Variants in SIRPB2 observed in about 807,000 individuals in gnomAD.
SIRPB2 encodes signal-regulatory protein beta-2.
A neutral mutation model predicts 27.1 loss-of-function variants in SIRPB2; 18 were observed. The ratio of observed to expected loss-of-function variants is 0.66; its 90% CI spans 0.46 to 0.98. SIRPB2 has a LOEUF of 0.98. Ranked by LOEUF, SIRPB2 falls within the 50% of genes least tolerant of loss-of-function variation. The pLI is 0.00. For missense variants in SIRPB2, 420 were observed against 417.4 expected (o/e 1.01, Z -0.06); for synonymous variants, 150 against 164.6 (o/e 0.91, Z 0.68).
intron 1 of SIRPB2, among the ~76,000 whole-genome samples, chr20:1,487,617 G>C (rs1336009268): frequency 2.0e-5 from 3 of 152,214 alleles, no homozygotes; most frequent in African/African-American, 7.2e-5. Context: ...TCTAGAAATA[G>C]TCCATGCAAA....
intron 1 of SIRPB2, among the ~76,000 whole-genome samples, chr20:1,484,275 C>G (rs2090703400): frequency 6.6e-6 from 1 of 152,280 alleles, no homozygotes; most frequent in South Asian, 2.1e-4. Flanking sequence ...GACTCCAGGA[C>G]ACTGGTATAG....
At chr20:1,482,429 A>G (rs1319853759) in intron 1 of SIRPB2, among the ~76,000 whole-genome samples, 1 of 152,044 alleles carries the variant, frequency 6.6e-6, no homozygotes, top group Admixed American at 6.5e-5. Flanking sequence ...GGTATCTATC[A>G]TTATAGTTTC....
At position 1,479,842 on chromosome 20, in the gene SIRPB2, T is replaced by C; in HGVS notation, c.309A>G (p.Ser103=). The C allele has an allele frequency of 6.2e-7, 1 of 1,614,252 alleles. No individual in the cohort carries two copies. The highest frequency in any genetic ancestry group is 8.5e-7 in the Non-Finnish European group (1 of 1,180,036). ...TGGAATAATCACAATTCAGTGGTTC[T>C]GATGTCCGTTGGATCATGGGCATTA... ...PGVMPMIQRT[S]EPLNCDYSIY... is the part of the protein sequence containing the mutation. The change falls in exon 2 of 5, where the codon TCA becomes TCG. Residue 103 remains serine, a synonymous_variant. Transcript: ENST00000359801.
At chr20:1,486,269 C>T (rs903157750) in intron 1 of SIRPB2, among the ~76,000 whole-genome samples, 1 of 151,818 alleles carries the variant, frequency 6.6e-6, no homozygotes, top group East Asian at 1.9e-4. Context: ...GGCAGGGTTT[C>T]GCCATGTTAG....
chr20:1,488,720 A>G (rs6135080), intron 1 of SIRPB2, among the ~76,000 whole-genome samples: 24,088 of 152,164 alleles, frequency 0.16, 3,119 homozygotes, highest in East Asian at 0.74. Flanking sequence ...ATTGACCATA[A>G]TAAGTGTTGG....
Position 1,475,918 on chromosome 20 carries a change from G to A in SIRPB2, c.*249C>T, listed in dbSNP as rs1181809666. ...CTGCAGCAGGGGCAAGGGTGTTGAG[G>A]AGAGACTGAGCCAGGGACTGAAAAG... On this transcript the variant is annotated 3_prime_UTR_variant, in exon 5 of 5. Coordinates refer to ENST00000359801, the MANE Select transcript of SIRPB2 (RefSeq NM_001122962.2). 6.0e-5 allele frequency: 27 copies of A among 449,406 alleles called. No homozygotes were observed. The highest frequency in any genetic ancestry group is 9.9e-5 in the Non-Finnish European group (25 of 251,450). 27.8% of individuals were successfully genotyped at this position (449,406 alleles called of 1,614,324 possible).
Position 1,475,575 on chromosome 20 carries a change from T to G in SIRPB2, c.*592A>C, listed in dbSNP as rs1428468752. 6.6e-6 allele frequency: 1 copy of G among 152,078 alleles called. No homozygotes were observed. Among genetic ancestry groups the G allele is most frequent in the Non-Finnish European group, 1.5e-5 (1 of 68,140 alleles). The allele number at this position is 152,078 out of a possible 1,614,324, so 9.4% of individuals were successfully genotyped here. A position where few individuals can be genotyped will look rare whatever the true frequency, so the allele number is the denominator to read the frequency against. On this transcript the variant is annotated 3_prime_UTR_variant, in exon 5 of 5. Coordinates refer to ENST00000359801, the MANE Select transcript of SIRPB2 (RefSeq NM_001122962.2). ...AATCCTGGGTCTCAATACCAGGGAGTCTCTGTATTGCTTGGCCTGCTGATG... is the reference window on the plus strand; with the variant it reads ...AATCCTGGGTCTCAATACCAGGGAGGCTCTGTATTGCTTGGCCTGCTGATG...
rs1191993196 is a variant in SIRPB2, at chr20:1,478,184, C to G, written c.793+82G>C. On this transcript the variant is annotated intron_variant, in intron 3 of 4. Coordinates refer to ENST00000359801, the MANE Select transcript of SIRPB2 (RefSeq NM_001122962.2). ...GTAAAGACATGGAGGCTGTGAAGAA[C>G]TGGCTTGTTCGGGACATGTAGAAAA... 2.5e-5 allele frequency: 32 copies of G among 1,299,800 alleles called. No homozygotes were observed. In the Admixed American group the frequency reaches 5.7e-4, roughly 23 times the overall value. 80.5% of individuals were successfully genotyped at this position (1,299,800 alleles called of 1,614,324 possible).
chr20:1,479,377 T>A (rs111394704), intron 2 of SIRPB2: 77 of 349,888 alleles, frequency 2.2e-4, no homozygotes, highest in African/African-American at 1.5e-3. Flanking sequence ...CCATGTGACT[T>A]GCTTTAGCCA....
intron 1 of SIRPB2, among the ~76,000 whole-genome samples, chr20:1,488,556 G>C (rs6110188): frequency 0.15 from 22,081 of 152,036 alleles, 1,666 homozygotes; most frequent in Non-Finnish European, 0.18. Context: ...GCTAAGGTGG[G>C]AGGATCGCTT....
In SIRPB2 at chr20:1,475,757, AGGGGCACAGAT is replaced by A; in HGVS notation, c.*399_*409del. ...GGAGTGGGGAGAAAGGTGTAGATGG[AGGGGCACAGAT>A]GGTCTGGCTGGTTGAGTTCAGAGAT... On this transcript the variant is annotated 3_prime_UTR_variant, in exon 5 of 5. Transcript: ENST00000359801. The A allele has an allele frequency of 8.0e-6, 1 of 124,944 alleles. No individual in the cohort carries two copies. Among genetic ancestry groups the A allele is most frequent in the Non-Finnish European group, 1.8e-5 (1 of 56,614 alleles). 7.7% of individuals were successfully genotyped at this position (124,944 alleles called of 1,614,324 possible). A position where few individuals can be genotyped will look rare whatever the true frequency, so the allele number is the denominator to read the frequency against.
Position 1,477,392 on chromosome 20 carries a change from A to G in SIRPB2, c.805T>C (p.Ser269Pro). Residue 269 changes from serine (S) to proline (P), a missense_variant, in exon 4 of 5, where the codon TCT becomes CCT. Physicochemically the swap from Ser to Pro is moderately conservative, Grantham distance 74. Coordinates refer to ENST00000359801, the MANE Select transcript of SIRPB2 (RefSeq NM_001122962.2). ...CTGGTGAATTCTGCCTCTTTGGAAG[A>G]GGTAGATTTTGCTGCAAGGGAGAGA... is the stretch of plus-strand genomic sequence containing the variant. ...TSLKVKAKSTSSKEAEFTSEP... is the reference protein window; with the variant it reads ...TSLKVKAKSTPSKEAEFTSEP... 1 of 1,612,802 alleles carries G rather than the reference A, an allele frequency of 6.2e-7. No homozygotes were observed. Among genetic ancestry groups the G allele is most frequent in the Non-Finnish European group, 8.5e-7 (1 of 1,179,010 alleles).
intron 1 of SIRPB2, among the ~76,000 whole-genome samples, chr20:1,482,819 A>C (rs146881172): frequency 6.6e-6 from 1 of 151,706 alleles, no homozygotes; most frequent in African/African-American, 2.4e-5. Flanking sequence ...GCTTGGGGAC[A>C]CTATATATAT....
At chr20:1,483,956 T>G (rs185280373) in intron 1 of SIRPB2, among the ~76,000 whole-genome samples, 10 of 152,344 alleles carry the variant, frequency 6.6e-5, no homozygotes, top group Non-Finnish European at 1.5e-4. Context: ...GTAAATTTCT[T>G]CTTGATTGGG....
chr20:1,491,368 C>T lies in SIRPB2; in HGVS notation c.-9G>A. ...GACATCGTGGAGCACATGGCATCTT[C>T]TGTGGTCCCCAAGACTTGGGGCTCC... On this transcript the variant is annotated 5_prime_UTR_variant, in exon 1 of 5. Coordinates refer to ENST00000359801, the MANE Select transcript of SIRPB2 (RefSeq NM_001122962.2). 1 of 1,604,916 alleles carries T rather than the reference C, an allele frequency of 6.2e-7. No homozygotes were observed. Among genetic ancestry groups the T allele is most frequent in the African/African-American group, 1.3e-5 (1 of 74,612 alleles).
chr20:1,484,945 A>C (rs1038572270), intron 1 of SIRPB2, among the ~76,000 whole-genome samples: 2 of 152,192 alleles, frequency 1.3e-5, no homozygotes, highest in Non-Finnish European at 1.5e-5. Flanking sequence ...TAGCAACATG[A>C]ATGAAGATGG....
chr20:1,479,538 T>G, intron 2 of SIRPB2, 162 bp downstream of exon 2: 4 of 1,143,316 alleles, frequency 3.5e-6, no homozygotes, highest in Non-Finnish European at 3.7e-6. Context: ...ACATGAGGAG[T>G]GGAACCACCC....
intron 1 of SIRPB2, among the ~76,000 whole-genome samples, chr20:1,484,944 G>A (rs1397295107): frequency 6.6e-6 from 1 of 152,152 alleles, no homozygotes; most frequent in Non-Finnish European, 1.5e-5. Context: ...GTAGCAACAT[G>A]AATGAAGATG....
rs372996666 is a variant in SIRPB2, at chr20:1,484,507, T to TA, written c.86-4443dup. Among the ~76,000 whole-genome samples the TA allele has an allele frequency of 2.2e-3, 325 of 150,760 alleles. 1 individual carries two copies. The highest frequency in any genetic ancestry group is 7.4e-3 in the East Asian group (38 of 5,136). On this transcript the variant is annotated intron_variant, in intron 1 of 4. Coordinates refer to ENST00000359801, the MANE Select transcript of SIRPB2 (RefSeq NM_001122962.2). Reference sequence around the variant, plus strand: ...CAGGAAACTCAAACAACTCAACAGTTAAAAAAAATCTCATTAAAAAGTGGG... The same window carrying TA: ...CAGGAAACTCAAACAACTCAACAGTTAAAAAAAAATCTCATTAAAAAGTGGG...
Sources: allele counts gnomAD v4.1 joint callset (sites outside exome capture counted in the v4.1 genomes callset), GRCh38; gene constraint gnomAD v4.1.1; transcripts MANE v1.5; gene names NCBI Gene and HGNC (gene_info 2026-07-23, HGNC 2026-07-21).